The following FOXN3 variants were observed in gnomAD, a reference collection of about 807,000 sequenced individuals.
FOXN3 encodes forkhead box N3.
Under a neutral mutation model 38.4 loss-of-function variants are expected in FOXN3, and 7 were observed. The ratio of observed to expected loss-of-function variants is 0.18; its 90% CI spans 0.10 to 0.34. FOXN3 has a LOEUF of 0.34. FOXN3 is among the 10% of genes least tolerant of loss of function. FOXN3 has a pLI of 1.00. For missense variants in FOXN3, 456 were observed against 613.4 expected, an observed-to-expected ratio of 0.74 and a Z score of 2.71; for synonymous variants, 230 against 242.2, an observed-to-expected ratio of 0.95 and a Z score of 0.47.
chr14:89,204,088 CACACACACACACACA>C (rs1888312898), intron 4 of FOXN3, among the ~76,000 whole-genome samples: 1 of 144,306 alleles, frequency 6.9e-6, no homozygotes. Context: ...CACACACACA[CACACACACACACACA>C]ACTACTACTA....
intron 1 of FOXN3, among the ~76,000 whole-genome samples, chr14:89,505,307 G>GTCTCCC (rs1893893118): frequency 8.4e-6 from 1 of 118,430 alleles, no homozygotes; most frequent in Non-Finnish European, 1.7e-5. Flanking sequence ...TCTCCCCACG[G>GTCTCCC]TCTCCCTCTG....
At chr14:89,422,016 C>G (rs1295395197), upstream of FOXN3, among the ~76,000 whole-genome samples, 1 of 152,096 alleles carries the variant, frequency 6.6e-6, no homozygotes, top group Non-Finnish European at 1.5e-5. Context: ...GTAGCCAGGA[C>G]TACAGGCGCA....
intron 4 of FOXN3, chr14:89,190,537 TG>T: frequency 9.2e-7 from 1 of 1,084,134 alleles, no homozygotes; most frequent in Non-Finnish European, 1.4e-6. Flanking sequence ...AGTTTATGAA[TG>T]CAACAGAGAA....
At chr14:89,235,981 AG>A (rs918976191) in intron 4 of FOXN3, among the ~76,000 whole-genome samples, 1 of 152,242 alleles carries the variant, frequency 6.6e-6, no homozygotes, top group Non-Finnish European at 1.5e-5. Flanking sequence ...AAGCCCAGGC[AG>A]GTTAAGGAGT....
chr14:89,567,002 A>T (rs1394812229), intron 1 of FOXN3, among the ~76,000 whole-genome samples: 1 of 152,186 alleles, frequency 6.6e-6, no homozygotes, highest in Admixed American at 6.5e-5. Context: ...GAGAAAGAAA[A>T]GACAGGTGTG....
chr14:89,378,092 T>A (rs573319249), intron 2 of FOXN3, among the ~76,000 whole-genome samples: 1 of 152,244 alleles, frequency 6.6e-6, no homozygotes, highest in Admixed American at 6.5e-5. Context: ...TGGTACTTTG[T>A]TATGTCTGCA....
chr14:89,568,029 G>A (rs376320309), intron 1 of FOXN3, among the ~76,000 whole-genome samples: 14 of 151,800 alleles, frequency 9.2e-5, no homozygotes, highest in African/African-American at 2.7e-4. Flanking sequence ...GCCAAATCTC[G>A]TTGATTTCAA....
At chr14:89,232,979 A>G (rs1479218086) in intron 4 of FOXN3, among the ~76,000 whole-genome samples, 7 of 152,212 alleles carry the variant, frequency 4.6e-5, no homozygotes, top group African/African-American at 1.7e-4. Context: ...ACAACAAAAA[A>G]TAACCACCTC....
chr14:89,354,481 C>A (rs1258334849), intron 2 of FOXN3, among the ~76,000 whole-genome samples: 1 of 149,886 alleles, frequency 6.7e-6, no homozygotes, highest in African/African-American at 2.4e-5. Context: ...CCACCTTGGC[C>A]TCCCCAAAGT....
intron 2 of FOXN3, among the ~76,000 whole-genome samples, chr14:89,400,551 A>G (rs568239329): frequency 1.3e-5 from 2 of 152,064 alleles, no homozygotes; most frequent in South Asian, 4.2e-4. Flanking sequence ...GCAACCCCCA[A>G]CCCTGGCTCA....
intron 2 of FOXN3, among the ~76,000 whole-genome samples, chr14:89,377,767 A>G (rs1952183): frequency 0.41 from 62,155 of 152,190 alleles, 14,442 homozygotes; most frequent in Admixed American, 0.55. Context: ...GTTGAAACCA[A>G]TTCACGTGTT....
At chr14:89,414,842 C>T (rs1311034399) in intron 1 of FOXN3, among the ~76,000 whole-genome samples, 8 of 152,140 alleles carry the variant, frequency 5.3e-5, no homozygotes, top group Admixed American at 1.3e-4. Context: ...TGAGCCACCG[C>T]GCCTGGCCAA....
At chr14:89,196,306 G>A (rs1888098160) in intron 4 of FOXN3, among the ~76,000 whole-genome samples, 1 of 152,184 alleles carries the variant, frequency 6.6e-6, no homozygotes, top group South Asian at 2.1e-4. Flanking sequence ...AAACTGTTGA[G>A]ATGGTTCCAT....
intron 5 of FOXN3, among the ~76,000 whole-genome samples, chr14:89,176,570 C>T (rs951142300): frequency 7.9e-5 from 12 of 152,208 alleles, no homozygotes; most frequent in Non-Finnish European, 1.3e-4. Flanking sequence ...GGCACTGCCA[C>T]GTGGTCTGGG....
chr14:89,605,185 A>G (rs1053805056), intron 1 of FOXN3, among the ~76,000 whole-genome samples: 2 of 152,164 alleles, frequency 1.3e-5, no homozygotes, highest in Non-Finnish European at 2.9e-5. Context: ...CACAAAAAAA[A>G]CAAGATAAAA....
chr14:89,324,415 G>T (rs542657886), intron 3 of FOXN3, among the ~76,000 whole-genome samples: 1 of 150,606 alleles, frequency 6.6e-6, no homozygotes, highest in South Asian at 2.2e-4. Context: ...TAAACATACT[G>T]ATTTGGTTTG....
At chr14:89,286,244 A>T (rs1886625982) in intron 3 of FOXN3, among the ~76,000 whole-genome samples, 3 of 152,098 alleles carry the variant, frequency 2.0e-5, no homozygotes, top group Admixed American at 2.0e-4. Context: ...TTGAGATGAT[A>T]AGAAGGACTC....
At chr14:89,402,063 T>C (rs1891266012) in intron 2 of FOXN3, among the ~76,000 whole-genome samples, 1 of 152,144 alleles carries the variant, frequency 6.6e-6, no homozygotes, top group Non-Finnish European at 1.5e-5. Flanking sequence ...TACATAGCAA[T>C]CCATCAAGTT....
chr14:89,278,788 T>C (rs1886375184), intron 4 of FOXN3, among the ~76,000 whole-genome samples: 1 of 152,192 alleles, frequency 6.6e-6, no homozygotes, highest in Non-Finnish European at 1.5e-5. Flanking sequence ...ACGAGGGATG[T>C]GCGTACATTT....
Sources: gnomAD v4.1 joint callset for allele counts (sites outside exome capture counted in the v4.1 genomes callset) on GRCh38, gnomAD v4.1.1 for gene constraint, MANE v1.5 for transcripts, NCBI Gene and HGNC (gene_info 2026-07-23, HGNC 2026-07-21) for gene names.